ZFHX4: variants seen among roughly 807,000 people sequenced by gnomAD.
ZFHX4 encodes zinc finger homeobox protein 4.
Under a neutral mutation model 267.6 loss-of-function variants are expected in ZFHX4, and 56 were observed. The observed-to-expected ratio is 0.21, with a 90% CI of 0.17 to 0.26. The LOEUF is 0.26. ZFHX4 is among the 10% of genes least tolerant of loss of function. The pLI is 1.00. For synonymous variants in ZFHX4, 1,778 were observed against 1,665.6 expected (o/e 1.07, Z -1.64); for missense variants, 4,332 against 4,420.0 (o/e 0.98, Z 0.56).
intron 6 of ZFHX4, among the ~76,000 whole-genome samples, chr8:76,845,405 C>G (rs1166889544): frequency 1.3e-5 from 2 of 151,892 alleles, no homozygotes; most frequent in Non-Finnish European, 2.9e-5. Flanking sequence ...CTAAGGGGAC[C>G]ACTTTTTAAT....
At chr8:76,847,281 G>T (rs1049845610) in intron 6 of ZFHX4, among the ~76,000 whole-genome samples, 3 of 151,920 alleles carry the variant, frequency 2.0e-5, no homozygotes, top group Non-Finnish European at 4.4e-5. Flanking sequence ...AAGGTAATAG[G>T]AATTATGACT....
At chr8:76,709,036 A>G (rs1808353203) in intron 3 of ZFHX4, among the ~76,000 whole-genome samples, 1 of 152,226 alleles carries the variant, frequency 6.6e-6, no homozygotes, top group Non-Finnish European at 1.5e-5. Context: ...ACTAGAAATC[A>G]GTGTTAACTA....
At chr8:76,785,886 T>C (rs1263805252) in intron 4 of ZFHX4, among the ~76,000 whole-genome samples, 1 of 152,176 alleles carries the variant, frequency 6.6e-6, no homozygotes, top group Non-Finnish European at 1.5e-5. Context: ...GCCAATAAAC[T>C]GGTTATCTGT....
chr8:76,767,187 GT>G (rs2131741960), intron 3 of ZFHX4, among the ~76,000 whole-genome samples: 1 of 152,174 alleles, frequency 6.6e-6, no homozygotes, highest in East Asian at 1.9e-4. Context: ...GCAGAAATGT[GT>G]TAATTTTACA....
intron 4 of ZFHX4, among the ~76,000 whole-genome samples, chr8:76,779,308 C>G (rs1279146068): frequency 1.3e-5 from 2 of 151,994 alleles, no homozygotes; most frequent in Non-Finnish European, 2.9e-5. Context: ...TGTTTTAAAT[C>G]TGTCAGGAGA....
chr8:76,793,547 T>C (rs1810894677), intron 4 of ZFHX4, among the ~76,000 whole-genome samples: 1 of 152,204 alleles, frequency 6.6e-6, no homozygotes, highest in Non-Finnish European at 1.5e-5. Context: ...CTTTTGCCCT[T>C]CCATAATTCC....
chr8:76,852,793 G>T lies in ZFHX4; in HGVS notation c.5872G>T (p.Val1958Phe). The T allele has an allele frequency of 6.2e-7, 1 of 1,613,418 alleles. No individual in the cohort carries two copies. The highest frequency in any genetic ancestry group is 8.5e-7 in the Non-Finnish European group (1 of 1,179,736). Residue 1958 changes from valine to phenylalanine, a missense_variant, in exon 10 of 11, where the codon GTT (valine) becomes TTT (phenylalanine). By Grantham distance (50) the Val-to-Phe change is conservative. Transcript: ENST00000651372. The part of the protein sequence containing the change: ...CGTCGKLFSN[V>F]LILKSHQEHV... ...AACATGTGGTAAATTGTTTTCCAAT[G>T]TTCTTATTTTAAAGAGTCACCAAGA...
intron 4 of ZFHX4, among the ~76,000 whole-genome samples, chr8:76,787,183 T>C (rs1810713963): frequency 6.6e-6 from 1 of 152,192 alleles, no homozygotes; most frequent in Admixed American, 6.5e-5. Flanking sequence ...AAAACATGTC[T>C]TTGCATTTCA....
Position 76,855,471 on chromosome 8 carries a change from A to G in ZFHX4, c.8550A>G (p.Lys2850=), listed in dbSNP as rs1443661516. The G allele has an allele frequency of 6.2e-7, 1 of 1,613,684 alleles. No homozygotes were observed. ...KEPKTLDTLP[K]PATTPTTEVC... ...CAAAAACTCTGGATACTCTGCCAAA[A>G]CCTGCAACCACACCTACCACGGAGG... is the stretch of plus-strand genomic sequence containing the variant. The change falls in exon 10 of 11, where the codon AAA becomes AAG. Residue 2850 remains lysine (K), a synonymous_variant. Transcript: ENST00000651372.
chr8:76,767,681 C>T (rs1241702069), intron 3 of ZFHX4, among the ~76,000 whole-genome samples: 1 of 152,178 alleles, frequency 6.6e-6, no homozygotes, highest in Non-Finnish European at 1.5e-5. Flanking sequence ...AATTAAGTAA[C>T]TTCCAAAAGT....
intron 3 of ZFHX4, among the ~76,000 whole-genome samples, chr8:76,718,174 T>A (rs2131634468): frequency 6.6e-6 from 1 of 152,264 alleles, no homozygotes; most frequent in African/African-American, 2.4e-5. Flanking sequence ...AGGAGGAAAA[T>A]AATTCCCAAT....
chr8:76,849,002 C>A lies in ZFHX4; in HGVS notation c.3519C>A (p.Ile1173=). The change falls in exon 7 of 11, where the codon ATC becomes ATA. Residue 1173 remains isoleucine (I), a synonymous_variant. Transcript: ENST00000651372. The stretch of plus-strand genomic sequence containing the variant: ...ATTCTTTTTGGGAATCAGGGATAAT[C>A]ACACCAGAGAAGGAACTAAAAGTTA... ...GKNSNKDSGI[I]TPEKELKVSV... The A allele has an allele frequency of 6.5e-7, 1 of 1,531,298 alleles. No homozygotes were observed. The highest frequency in any genetic ancestry group is 8.8e-7 in the Non-Finnish European group (1 of 1,141,508). The allele number at this position is 1,531,298 out of a possible 1,614,324, so 94.9% of individuals were successfully genotyped here. A position where few individuals can be genotyped will look rare whatever the true frequency, so the allele number is the denominator to read the frequency against.
intron 5 of ZFHX4, among the ~76,000 whole-genome samples, chr8:76,840,736 C>T (rs901705977): frequency 2.6e-5 from 4 of 152,096 alleles, no homozygotes; most frequent in African/African-American, 7.2e-5. Flanking sequence ...ATCCCTTCCC[C>T]GGGATGAGTT....
chr8:76,681,551 G>A lies in ZFHX4; in HGVS notation c.-116G>A, dbSNP rs970132215. 1 of 398,082 alleles carries A rather than the reference G, an allele frequency of 2.5e-6. No individual in the cohort carries two copies. Among genetic ancestry groups the A allele is most frequent in the Non-Finnish European group, 4.4e-6 (1 of 225,926 alleles). The allele number at this position is 398,082 out of a possible 1,614,324, so 24.7% of individuals were successfully genotyped here. The stretch of plus-strand genomic sequence containing the variant: ...CTCTCGTTTTACTTGGATGTGATCA[G>A]CTGTAAGTAAAATAAAAGCAAAACA... On this transcript the variant is annotated 5_prime_UTR_variant, in exon 1 of 11. Transcript: ENST00000651372.
rs1188978503 is a variant in ZFHX4 at position 76,866,434 on chromosome 8, G to T, written c.*1869G>T. 6.6e-6 allele frequency: 1 copy of T among 150,396 alleles called. No homozygotes were observed. Among genetic ancestry groups the T allele is most frequent in the Non-Finnish European group, 1.5e-5 (1 of 67,546 alleles). The allele number at this position is 150,396 out of a possible 1,614,324, so 9.3% of individuals were successfully genotyped here. The stretch of plus-strand genomic sequence containing the variant: ...AATCTTTATTCTATACATTTTATGT[G>T]AACTTTTTTAATGTCTTTAATTTGG... On this transcript the variant is annotated 3_prime_UTR_variant, in exon 11 of 11. Transcript: ENST00000651372.
rs1310861840 is a variant in ZFHX4 at position 76,850,344 on chromosome 8, G to A, written c.3946G>A (p.Gly1316Arg). ...CACACCTGCAGCCGTGACAGCTGAG[G>A]GGTCTGGGAAATATTCAGGTATGCC... is the stretch of plus-strand genomic sequence containing the variant. ...RDTPAAVTAE[G>R]SGKYSGESPM... The change falls in exon 9 of 11, where the codon GGG becomes AGG. Residue 1316 changes from glycine to arginine, a missense_variant. Around this residue, in one of 7 missense-constraint regions of ZFHX4, gnomAD observed 1,371 missense variants for 1,423.1 expected, o/e 0.96. Transcript: ENST00000651372. 1 of 1,611,962 alleles carries A rather than the reference G, an allele frequency of 6.2e-7. No individual in the cohort carries two copies. Among genetic ancestry groups the A allele is most frequent in the Non-Finnish European group, 8.5e-7 (1 of 1,179,142 alleles).
intron 4 of ZFHX4, among the ~76,000 whole-genome samples, chr8:76,808,261 C>G: frequency 6.6e-6 from 1 of 152,134 alleles, no homozygotes; most frequent in East Asian, 1.9e-4. Flanking sequence ...ATCTAAACCA[C>G]TTGCTTTGAA....
intron 5 of ZFHX4, among the ~76,000 whole-genome samples, chr8:76,839,226 T>C (rs531166265): frequency 1.1e-4 from 17 of 152,318 alleles, no homozygotes; most frequent in South Asian, 2.1e-4. Context: ...TTGTTTCTTA[T>C]TGTTCAAATG....
chr8:76,844,054 AAAGAAGCC>A (rs1812304506), intron 6 of ZFHX4, among the ~76,000 whole-genome samples: 1 of 152,200 alleles, frequency 6.6e-6, no homozygotes, highest in Non-Finnish European at 1.5e-5. Flanking sequence ...AGCAATGTAA[AAAGAAGCC>A]ATAGCTGTAT....
Sources: allele counts gnomAD v4.1 joint callset (sites outside exome capture counted in the v4.1 genomes callset), GRCh38; gene constraint gnomAD v4.1.1; regional missense constraint gnomAD v4.1.1; transcripts MANE v1.5; gene names NCBI Gene and HGNC (gene_info 2026-07-23, HGNC 2026-07-21).